POU6F2: variants seen among roughly 807,000 people sequenced by gnomAD.
POU6F2 encodes the protein POU class 6 homeobox 2.
In POU6F2, 31 loss-of-function variants were observed where a neutral mutation model predicts 71.3. The observed-to-expected ratio is 0.43, with a 90% CI of 0.33 to 0.59. The LOEUF (loss-of-function observed/expected upper bound fraction) is 0.59. Ranked by LOEUF, POU6F2 falls within the 20% of genes least tolerant of loss-of-function variation. POU6F2 has a pLI of 0.04. For missense variants in POU6F2, 783 were observed against 856.8 expected (o/e 0.91, Z 1.07); for synonymous variants, 347 against 355.7 (o/e 0.98, Z 0.27).
intron 1 of POU6F2, among the ~76,000 whole-genome samples, chr7:38,996,870 C>G (rs535885481): frequency 6.6e-6 from 1 of 152,238 alleles, no homozygotes; most frequent in African/African-American, 2.4e-5. Context: ...TTGACTCCCC[C>G]CACCTTTAAT....
chr7:39,144,353 A>T (rs901434279), intron 2 of POU6F2, among the ~76,000 whole-genome samples: 1 of 152,220 alleles, frequency 6.6e-6, no homozygotes, highest in Non-Finnish European at 1.5e-5. Flanking sequence ...AACTATGGAT[A>T]AACCTAATAA....
At chr7:39,338,845 T>C (rs1262919463) in intron 4 of POU6F2, among the ~76,000 whole-genome samples, 1 of 152,178 alleles carries the variant, frequency 6.6e-6, no homozygotes, top group Non-Finnish European at 1.5e-5. Context: ...TAAGACACTT[T>C]CTCCCACCAA....
chr7:39,342,872 A>T (rs968447564), intron 5 of POU6F2, among the ~76,000 whole-genome samples: 11 of 152,214 alleles, frequency 7.2e-5, no homozygotes, highest in African/African-American at 2.7e-4. Context: ...CATTTACAAA[A>T]CCAAGTTGTT....
chr7:39,440,986 C>T (rs2190889), intron 7 of POU6F2, among the ~76,000 whole-genome samples: 48,231 of 151,704 alleles, frequency 0.32, 8,335 homozygotes, highest in East Asian at 0.52. Flanking sequence ...AGGTTCACTT[C>T]AGGCCCTACT....
At chr7:39,090,619 G>C (rs1791344466) in intron 2 of POU6F2, among the ~76,000 whole-genome samples, 1 of 152,122 alleles carries the variant, frequency 6.6e-6, no homozygotes, top group Non-Finnish European at 1.5e-5. Flanking sequence ...AAACCCAAGA[G>C]GGATTTAGCT....
At chr7:39,052,056 G>A (rs1015781785) in intron 1 of POU6F2, among the ~76,000 whole-genome samples, 1 of 152,084 alleles carries the variant, frequency 6.6e-6, no homozygotes, top group Non-Finnish European at 1.5e-5. Flanking sequence ...TTATTTGGGT[G>A]TCAGTGCTGA....
intron 5 of POU6F2, among the ~76,000 whole-genome samples, chr7:39,379,777 C>A (rs972462874): frequency 2.0e-5 from 3 of 152,174 alleles, no homozygotes; most frequent in East Asian, 1.9e-4. Context: ...AACACCAACT[C>A]CCCTGGTTTT....
At chr7:39,425,459 C>T (rs868666664) in intron 6 of POU6F2, among the ~76,000 whole-genome samples, 3 of 152,054 alleles carry the variant, frequency 2.0e-5, no homozygotes, top group Admixed American at 2.0e-4. Flanking sequence ...TTTTAGATAT[C>T]ATAACTATTG....
At chr7:39,446,073 C>T (rs1022785206) in intron 7 of POU6F2, among the ~76,000 whole-genome samples, 3 of 152,176 alleles carry the variant, frequency 2.0e-5, no homozygotes, top group South Asian at 2.1e-4. Flanking sequence ...TCTTGAGAAC[C>T]GCTGATTTAA....
At chr7:39,057,025 T>G (rs1180269884) in intron 1 of POU6F2, among the ~76,000 whole-genome samples, 1 of 152,156 alleles carries the variant, frequency 6.6e-6, no homozygotes, top group Admixed American at 6.6e-5. Context: ...TAATGATTGT[T>G]GGTTTTGACT....
chr7:39,281,050 A>G (rs1213102862), intron 4 of POU6F2, among the ~76,000 whole-genome samples: 2 of 152,250 alleles, frequency 1.3e-5, no homozygotes, highest in Non-Finnish European at 2.9e-5. Flanking sequence ...TACCAGGGAA[A>G]TAGAGAATAC....
chr7:39,394,401 G>A (rs1787133201), intron 5 of POU6F2, among the ~76,000 whole-genome samples: 1 of 152,188 alleles, frequency 6.6e-6, no homozygotes, highest in Admixed American at 6.5e-5. Context: ...CTGCAAAGCT[G>A]TTAAAGCTAG....
At chr7:39,321,261 A>T (rs1785384682) in intron 4 of POU6F2, among the ~76,000 whole-genome samples, 1 of 152,224 alleles carries the variant, frequency 6.6e-6, no homozygotes, top group African/African-American at 2.4e-5. Context: ...TCACTTCATT[A>T]TACCTACTTT....
chr7:39,086,110 T>C (rs1393727507), intron 2 of POU6F2, 79 bp downstream of exon 2: 1 of 1,345,782 alleles, frequency 7.4e-7, no homozygotes, highest in East Asian at 2.6e-5. Context: ...CCCCCCCTTT[T>C]TTTCTGTTGT....
chr7:39,439,794 G>A (rs562241487), intron 7 of POU6F2, among the ~76,000 whole-genome samples: 7 of 152,102 alleles, frequency 4.6e-5, no homozygotes, highest in African/African-American at 1.7e-4. Context: ...CAGGCTTTTT[G>A]GTGTGTTTTT....
intron 5 of POU6F2, among the ~76,000 whole-genome samples, chr7:39,376,832 TA>T (rs1786719684): frequency 6.6e-6 from 1 of 151,520 alleles, no homozygotes; most frequent in Non-Finnish European, 1.5e-5. Context: ...TTTTTAGAAT[TA>T]TTTTTGCTCT....
chr7:39,353,042 T>C (rs1002459400), intron 5 of POU6F2, among the ~76,000 whole-genome samples: 1 of 152,228 alleles, frequency 6.6e-6, no homozygotes, highest in East Asian at 1.9e-4. Context: ...GGAAGAAATG[T>C]CTTCAAAAAC....
intron 1 of POU6F2, among the ~76,000 whole-genome samples, chr7:39,040,782 T>C (rs1487788121): frequency 6.6e-6 from 1 of 151,934 alleles, no homozygotes; most frequent in Non-Finnish European, 1.5e-5. Flanking sequence ...AATATTCAAG[T>C]ATGTAAATTA....
chr7:39,147,882 C>A (rs369221680), intron 2 of POU6F2, among the ~76,000 whole-genome samples: 22 of 152,302 alleles, frequency 1.4e-4, no homozygotes, highest in African/African-American at 4.8e-4. Context: ...TGGAAATCTG[C>A]AGCCCACACT....
Sources: gnomAD v4.1 joint callset for allele counts (sites outside exome capture counted in the v4.1 genomes callset) on GRCh38, gnomAD v4.1.1 for gene constraint, MANE v1.5 for transcripts, NCBI Gene and HGNC (gene_info 2026-07-23, HGNC 2026-07-21) for gene names.